The following NCAM2 variants were observed in gnomAD, a reference collection of about 807,000 sequenced individuals.
NCAM2 encodes the protein neural cell adhesion molecule 2, also known as N-CAM-2.
NCAM2 carries 30 observed loss-of-function variants against 98.1 expected under a neutral mutation model. The observed-to-expected ratio is 0.31, with a 90% confidence interval of 0.23 to 0.41. The LOEUF (loss-of-function observed/expected upper bound fraction) is 0.41. Ranked by LOEUF, NCAM2 falls within the 10% of genes least tolerant of loss-of-function variation. The pLI is 1.00. For missense variants in NCAM2, 867 were observed against 1,005.8 expected (o/e 0.86, Z 1.87); for synonymous variants, 368 against 342.4 (o/e 1.07, Z -0.83).
chr21:21,067,713 A>AG (rs2065469990), intron 1 of NCAM2, among the ~76,000 whole-genome samples: 3 of 152,222 alleles, frequency 2.0e-5, no homozygotes, highest in Admixed American at 1.3e-4. Flanking sequence ...GAAAGAAAAA[A>AG]GTAGACTTGC....
At chr21:21,413,210 A>G (rs1358426520) in intron 10 of NCAM2, among the ~76,000 whole-genome samples, 1 of 152,186 alleles carries the variant, frequency 6.6e-6, no homozygotes, top group Non-Finnish European at 1.5e-5. Context: ...AAACATTGAA[A>G]GAAGGATTGG....
chr21:21,229,695 T>C (rs2084018296), intron 1 of NCAM2, among the ~76,000 whole-genome samples: 1 of 151,450 alleles, frequency 6.6e-6, no homozygotes, highest in South Asian at 2.1e-4. Flanking sequence ...TGAATCCCTT[T>C]TGTTCATACC....
chr21:21,490,946 C>T (rs886743015), intron 15 of NCAM2, among the ~76,000 whole-genome samples: 1 of 151,788 alleles, frequency 6.6e-6, no homozygotes, highest in Non-Finnish European at 1.5e-5. Flanking sequence ...CTCTGTGTCT[C>T]CATTGTTGTA....
intron 8 of NCAM2, among the ~76,000 whole-genome samples, chr21:21,362,392 CTT>C (rs35130794): frequency 0.016 from 2,299 of 147,204 alleles, 35 homozygotes; most frequent in African/African-American, 0.044. Context: ...TCATATTCTA[CTT>C]TTTTTTTTTT....
At chr21:21,134,949 A>C (rs1472411760) in intron 1 of NCAM2, among the ~76,000 whole-genome samples, 1 of 151,914 alleles carries the variant, frequency 6.6e-6, no homozygotes. Context: ...AAAACTTCTG[A>C]ACTCGCTGGG....
At chr21:21,234,262 C>T (rs889546467) in intron 1 of NCAM2, among the ~76,000 whole-genome samples, 2 of 151,412 alleles carry the variant, frequency 1.3e-5, no homozygotes, top group African/African-American at 4.8e-5. Context: ...AAAATAGGAA[C>T]CCTTCACTCA....
At chr21:21,439,456 T>C (rs574247417) in intron 12 of NCAM2, among the ~76,000 whole-genome samples, 1 of 152,192 alleles carries the variant, frequency 6.6e-6, no homozygotes, top group African/African-American at 2.4e-5. Flanking sequence ...CAAAAGTTTT[T>C]ATTTTAATAG....
intron 15 of NCAM2, among the ~76,000 whole-genome samples, chr21:21,499,758 T>C (rs1036272272): frequency 1.3e-5 from 2 of 152,144 alleles, no homozygotes; most frequent in Non-Finnish European, 2.9e-5. Context: ...ACTTTCTTGC[T>C]TGAGCCTAAA....
intron 1 of NCAM2, among the ~76,000 whole-genome samples, chr21:21,011,604 T>G (rs945118968): frequency 6.6e-6 from 1 of 152,106 alleles, no homozygotes; most frequent in Non-Finnish European, 1.5e-5. Flanking sequence ...TCTAGTCTCT[T>G]AGCAATGTCC....
intron 1 of NCAM2, among the ~76,000 whole-genome samples, chr21:21,048,968 A>G (rs1052193913): frequency 6.6e-6 from 1 of 151,762 alleles, no homozygotes; most frequent in African/African-American, 2.4e-5. Flanking sequence ...AAAAAGTATT[A>G]GGAAATTTTA....
At chr21:21,532,662 C>T (rs1989771317) in intron 16 of NCAM2, among the ~76,000 whole-genome samples, 2 of 152,174 alleles carry the variant, frequency 1.3e-5, no homozygotes, top group South Asian at 4.2e-4. Context: ...GAATCATTTT[C>T]TTGCTAAGAA....
chr21:21,338,516 G>A lies in NCAM2; in HGVS notation c.1026G>A (p.Thr342=), dbSNP rs755302240. The change falls in exon 8 of 18, where the codon ACG becomes ACA. Residue 342 remains threonine, a synonymous_variant. Transcript: ENST00000400546. ...GGAAAAGAGCTGTGGATGGCTTCAC[G>A]TTCACTGAAGGCGATAAGGTAACCA... is the stretch of plus-strand genomic sequence containing the variant. The part of the protein sequence containing the change: ...ITWKRAVDGF[T]FTEGDKSLDG... 55 of 1,610,266 alleles carry A rather than the reference G, an allele frequency of 3.4e-5. 1 individual carries two copies. The South Asian group carries it at 4.1e-4, about 12-fold the overall frequency.
intron 1 of NCAM2, among the ~76,000 whole-genome samples, chr21:21,247,983 TA>T (rs1281641370): frequency 6.6e-6 from 1 of 152,134 alleles, no homozygotes; most frequent in Non-Finnish European, 1.5e-5. Flanking sequence ...TAGTTGGGGA[TA>T]AGGCATATAC....
intron 1 of NCAM2, among the ~76,000 whole-genome samples, chr21:21,276,041 C>T (rs2072716462): frequency 2.0e-5 from 3 of 152,116 alleles, no homozygotes; most frequent in African/African-American, 7.2e-5. Context: ...TTCAGCCTTA[C>T]CCAATGTGGA....
intron 9 of NCAM2, among the ~76,000 whole-genome samples, chr21:21,395,479 C>T (rs970584076): frequency 2.6e-5 from 4 of 152,158 alleles, no homozygotes; most frequent in Non-Finnish European, 4.4e-5. Flanking sequence ...CAATTCTCAT[C>T]AAAATAACAC....
chr21:21,057,178 C>T (rs899054652), intron 1 of NCAM2, among the ~76,000 whole-genome samples: 3 of 151,934 alleles, frequency 2.0e-5, no homozygotes, highest in Admixed American at 6.6e-5. Context: ...CCTTTGTAAG[C>T]ACTTTAAACT....
At chr21:21,007,688 A>G (rs963048136) in intron 1 of NCAM2, among the ~76,000 whole-genome samples, 1 of 152,024 alleles carries the variant, frequency 6.6e-6, no homozygotes, top group Non-Finnish European at 1.5e-5. Flanking sequence ...AGGTACTATG[A>G]GCTGTGAGGA....
intron 1 of NCAM2, among the ~76,000 whole-genome samples, chr21:21,217,922 A>G (rs115837282): frequency 6.6e-6 from 1 of 152,142 alleles, no homozygotes; most frequent in Non-Finnish European, 1.5e-5. Context: ...CTGGTAGGAA[A>G]ATGGAAACCT....
At chr21:21,046,523 A>C (rs1175586192) in intron 1 of NCAM2, among the ~76,000 whole-genome samples, 1 of 152,106 alleles carries the variant, frequency 6.6e-6, no homozygotes, top group Non-Finnish European at 1.5e-5. Context: ...CAGCTTTTCA[A>C]ATATGTCCTT....
Sources: allele counts gnomAD v4.1 joint callset (sites outside exome capture counted in the v4.1 genomes callset), GRCh38; gene constraint gnomAD v4.1.1; transcripts MANE v1.5; gene names NCBI Gene and HGNC (gene_info 2026-07-23, HGNC 2026-07-21).